The following MYOT variants were observed in gnomAD, a reference collection of about 807,000 sequenced individuals.
MYOT encodes 57 kDa cytoskeletal protein.
A neutral mutation model predicts 58.0 loss-of-function variants in MYOT; 36 were observed. The observed-to-expected ratio is 0.62, with a 90% CI of 0.48 to 0.82. MYOT has a LOEUF of 0.82. MYOT is among the 40% of genes least tolerant of loss of function. MYOT has a pLI of 0.00. For missense variants in MYOT, 505 were observed against 592.1 expected (o/e 0.85, Z 1.53); for synonymous variants, 218 against 204.6 (o/e 1.07, Z -0.56).
chr5:137,883,313 T>C, intron 6 of MYOT, 71 bp from the exon 7 acceptor site: 1 of 1,297,348 alleles, frequency 7.7e-7, no homozygotes, highest in Non-Finnish European at 1.1e-6. Flanking sequence ...TTTAAATTCA[T>C]ATATGGACAA....
intron 7 of MYOT, among the ~76,000 whole-genome samples, chr5:137,883,937 G>C (rs1169753786): frequency 6.6e-6 from 1 of 152,146 alleles, no homozygotes; most frequent in Admixed American, 6.5e-5. Context: ...GAAAATCTTA[G>C]TCTAATCATT....
chr5:137,885,869 G>C (rs994177715), intron 7 of MYOT, among the ~76,000 whole-genome samples, 179 bp from the exon 8 acceptor site: 1 of 148,724 alleles, frequency 6.7e-6, no homozygotes, highest in African/African-American at 2.5e-5. Flanking sequence ...TTACATTAGA[G>C]TTTAGAATTC....
rs371207349 is a variant in MYOT, at chr5:137,883,414, T to C, written c.847T>C (p.Trp283Arg). The change falls in exon 7 of 10, where the codon TGG (tryptophan) becomes CGG (arginine). Residue 283 changes from tryptophan to arginine, a missense_variant. Transcript: ENST00000239926. ...TGGACTGCCAGCTCCTGATGTGTCA[T>C]GGTATCTAAATGGAAGAACAGTTCA... ...VSGLPAPDVS[W>R]YLNGRTVQSD... 6.2e-7 allele frequency: 1 copy of C among 1,614,150 alleles called. No individual in the cohort carries two copies. The highest frequency in any genetic ancestry group is 8.5e-7 in the Non-Finnish European group (1 of 1,180,026).
intron 3 of MYOT, among the ~76,000 whole-genome samples, chr5:137,877,260 C>T (rs1028658041): frequency 6.7e-6 from 1 of 148,868 alleles, no homozygotes; most frequent in African/African-American, 2.5e-5. Flanking sequence ...CCCAGCTACT[C>T]AGGAGGCTGA....
chr5:137,875,877 A>T lies in MYOT; in HGVS notation c.405A>T (p.Gln135His). 1 of 1,614,086 alleles carries T rather than the reference A, an allele frequency of 6.2e-7. No individual in the cohort carries two copies. The highest frequency in any genetic ancestry group is 8.5e-7 in the Non-Finnish European group (1 of 1,179,980). Residue 135 changes from glutamine to histidine, a missense_variant, in exon 3 of 10, where the codon CAA (glutamine) becomes CAT (histidine). Coordinates refer to ENST00000239926, the MANE Select transcript of MYOT (RefSeq NM_006790.3). ...AGQPINAKPS[Q>H]TANAKPIPRT... is the part of the protein sequence containing the mutation. ...AACCTATAAATGCAAAGCCATCCCA[A>T]ACTGCAAATGCTAAGCCCATACCAA... is the stretch of plus-strand genomic sequence containing the variant.
chr5:137,879,799 G>A (rs1755364652), intron 4 of MYOT, among the ~76,000 whole-genome samples: 1 of 150,266 alleles, frequency 6.7e-6, no homozygotes, highest in East Asian at 2.0e-4. Context: ...GCCTCCCAAA[G>A]TGCTAGGATT....
At chr5:137,883,765 C>G (rs1755512526) in intron 7 of MYOT, 174 bp downstream of exon 7, 2 of 619,972 alleles carry the variant, frequency 3.2e-6, no homozygotes, top group Non-Finnish European at 5.7e-6. Flanking sequence ...TATATATACA[C>G]ACACATACAT....
At position 137,880,851 on chromosome 5, in the gene MYOT, TACATC is replaced by T; in HGVS notation, c.673_677del (p.Gln226LysfsTer3). ...CAGAACATGCGCGACTGCAAGTTCC[TACATC>T]ACAAGTAAGGTAAAAAATTTTAATT... On this transcript the variant is annotated frameshift_variant, in exon 5 of 10. Transcript: ENST00000239926. LOFTEE classifies it high-confidence loss of function. 1 of 1,610,790 alleles carries T rather than the reference TACATC, an allele frequency of 6.2e-7. No individual in the cohort carries two copies. The highest frequency in any genetic ancestry group is 8.5e-7 in the Non-Finnish European group (1 of 1,177,244).
At chr5:137,884,274 G>T (rs1755527611) in intron 7 of MYOT, among the ~76,000 whole-genome samples, 1 of 152,154 alleles carries the variant, frequency 6.6e-6, no homozygotes. Context: ...AGGATAACTT[G>T]AGCCTGGAGT....
intron 4 of MYOT, 74 bp downstream of exon 4, chr5:137,877,695 T>A: frequency 9.3e-7 from 1 of 1,074,294 alleles, no homozygotes. Context: ...TAAATGCTTA[T>A]AAATAGCATC....
At chr5:137,872,367 T>A (rs1755077766) in intron 2 of MYOT, among the ~76,000 whole-genome samples, 3 of 152,230 alleles carry the variant, frequency 2.0e-5, no homozygotes. Flanking sequence ...TATTAGCATT[T>A]TAAAATCTAG....
chr5:137,881,908 T>C, intron 5 of MYOT, 65 bp from the exon 6 acceptor site: 26 of 1,575,812 alleles, frequency 1.6e-5, no homozygotes, highest in Admixed American at 3.3e-5. Flanking sequence ...GGCTAAACTA[T>C]ATTTGTGCAA....
rs1485162615 is a variant in MYOT, at chr5:137,883,594, A to G, written c.1024+3A>G. 6.2e-7 allele frequency: 1 copy of G among 1,613,380 alleles called. No individual in the cohort carries two copies. The highest frequency in any genetic ancestry group is 1.1e-5 in the South Asian group (1 of 91,064). ...CACTGTGCAGCTGGATGTCCTTGGT[A>G]AGCCTCCAAAGAGACCCTTGAGAAT... On this transcript the variant is annotated splice_donor_region_variant and intron_variant, in intron 7 of 9. Transcript: ENST00000239926.
intron 4 of MYOT, 168 bp from the exon 5 acceptor site, chr5:137,880,648 T>C (rs1431333271): frequency 8.5e-6 from 5 of 588,152 alleles, no homozygotes; most frequent in Admixed American, 5.9e-5. Flanking sequence ...AGTGGTAGTA[T>C]GTTAGTGCAC....
intron 5 of MYOT, 84 bp from the exon 6 acceptor site, chr5:137,881,889 A>G (rs1182338414): frequency 3.3e-6 from 5 of 1,531,098 alleles, no homozygotes; most frequent in Admixed American, 3.4e-5. Flanking sequence ...TTGAAAAAAA[A>G]AAATTGATGG....
chr5:137,871,428 C>T (rs932062232), intron 2 of MYOT, among the ~76,000 whole-genome samples: 3 of 152,218 alleles, frequency 2.0e-5, no homozygotes, highest in South Asian at 4.1e-4. Flanking sequence ...TTTCCTCTCA[C>T]ATAAGCAGAG....
chr5:137,870,396 T>G, intron 1 of MYOT, 45 bp from the exon 2 acceptor site: 1 of 576,378 alleles, frequency 1.7e-6, no homozygotes, highest in South Asian at 2.0e-5. Flanking sequence ...TAAACAATGT[T>G]ATTGTTTAAG....
At chr5:137,884,963 A>G (rs1194118139) in intron 7 of MYOT, among the ~76,000 whole-genome samples, 3 of 152,230 alleles carry the variant, frequency 2.0e-5, no homozygotes, top group African/African-American at 7.2e-5. Context: ...AAGGGCCTCA[A>G]TCTCAGGGGA....
chr5:137,879,262 T>C (rs1158107321), intron 4 of MYOT, among the ~76,000 whole-genome samples: 1 of 151,982 alleles, frequency 6.6e-6, no homozygotes, highest in Non-Finnish European at 1.5e-5. Context: ...TTGGTTCTGT[T>C]TGATGCAACT....
Sources: gnomAD v4.1 joint callset for allele counts (sites outside exome capture counted in the v4.1 genomes callset) on GRCh38, gnomAD v4.1.1 for gene constraint, MANE v1.5 for transcripts, NCBI Gene and HGNC (gene_info 2026-07-23, HGNC 2026-07-21) for gene names.